Variants in BDP1 observed in about 807,000 individuals in gnomAD.
BDP1 encodes the protein BDP1 general transcription factor IIIB subunit.
Under a neutral mutation model 266.6 loss-of-function variants are expected in BDP1, and 169 were observed. The ratio of observed to expected loss-of-function variants is 0.63; its 90% CI spans 0.56 to 0.72. The LOEUF (loss-of-function observed/expected upper bound fraction) is 0.72. Ranked by LOEUF, BDP1 falls within the 30% of genes least tolerant of loss-of-function variation. BDP1 has a pLI of 0.00. For missense variants in BDP1, 3,015 were observed against 3,053.8 expected, an observed-to-expected ratio of 0.99 and a Z score of 0.30; for synonymous variants, 1,090 against 1,022.4, an observed-to-expected ratio of 1.07 and a Z score of -1.26.
intron 8 of BDP1, among the ~76,000 whole-genome samples, 189 bp downstream of exon 8, chr5:71,484,085 T>C (rs1467645152): frequency 6.6e-6 from 1 of 152,168 alleles, no homozygotes; most frequent in African/African-American, 2.4e-5. Flanking sequence ...GGCAGGAGAT[T>C]ATCCAGAACA....
In BDP1 at chr5:71,491,209, CTG is replaced by C; in HGVS notation, c.1640+81_1640+82del. ...GGAGTGTTGAAGTCTCCATCTGTAA[CTG>C]TGGATTTGCCTGTTTCTTTTTTTCA... On this transcript the variant is annotated intron_variant, in intron 11 of 38. Coordinates refer to ENST00000358731, the MANE Select transcript of BDP1 (RefSeq NM_018429.3). 5 of 1,359,714 alleles carry C rather than the reference CTG, an allele frequency of 3.7e-6. No homozygotes were observed. In the East Asian group the frequency reaches 9.5e-5, roughly 26 times the overall value. 84.2% of individuals were successfully genotyped at this position (1,359,714 alleles called of 1,614,324 possible).
chr5:71,517,296 A>T, intron 21 of BDP1, 26 bp from the exon 22 acceptor site: 1 of 1,557,176 alleles, frequency 6.4e-7, no homozygotes. Flanking sequence ...TAAAAATAAC[A>T]TACTAATATG....
At chr5:71,558,493 G>A (rs1200820073) in intron 36 of BDP1, among the ~76,000 whole-genome samples, 1 of 151,982 alleles carries the variant, frequency 6.6e-6, no homozygotes, top group Non-Finnish European at 1.5e-5. Context: ...TTGCACGCCA[G>A]CCTGGGTGAC....
At chr5:71,523,911 C>A (rs777367663) in intron 24 of BDP1, 28 bp from the exon 25 acceptor site, 2 of 1,580,382 alleles carry the variant, frequency 1.3e-6, no homozygotes, top group Non-Finnish European at 1.7e-6. Context: ...TGCATATGAC[C>A]TTATTGTTGT....
rs537851168 is a variant in BDP1, at chr5:71,521,083, G to A, written c.4992-1206G>A. On this transcript the variant is annotated intron_variant, in intron 22 of 38. Coordinates refer to ENST00000358731, the MANE Select transcript of BDP1 (RefSeq NM_018429.3). Reference sequence around the variant, plus strand: ...CATGCCTGTAATCCCAGCTACTTGAGAGACTGAGGCAGGAGAATCGCTTGA... The same window carrying A: ...CATGCCTGTAATCCCAGCTACTTGAAAGACTGAGGCAGGAGAATCGCTTGA... Among the ~76,000 whole-genome samples the A allele has an allele frequency of 4.6e-4, 70 of 151,308 alleles. 1 individual carries two copies. In the East Asian group the frequency reaches 0.014, roughly 30 times the overall value.
chr5:71,578,125 C>T, the BDP1 span, among the ~76,000 whole-genome samples: 67,464 of 151,918 alleles, frequency 0.44, 15,387 homozygotes, highest in South Asian at 0.55. Context: ...GCCTATTGTT[C>T]GAGGAATGCA....
Position 71,515,102 on chromosome 5 carries a change from T to C in BDP1, c.4629T>C (p.Asn1543=). The C allele has an allele frequency of 6.3e-7, 1 of 1,597,818 alleles. No homozygotes were observed. Among genetic ancestry groups the C allele is most frequent in the Non-Finnish European group, 8.5e-7 (1 of 1,175,256 alleles). The change falls in exon 20 of 39, where the codon AAT becomes AAC. Residue 1543 remains asparagine (N), a synonymous_variant. Transcript: ENST00000358731. ...CTCAGTCAGCACCAGTCCAGAAAAA[T>C]GACTCAGTTGTTTCTGTGGGGTAAA... is the stretch of plus-strand genomic sequence containing the variant. The part of the protein sequence containing the change: ...EESQSAPVQK[N]DSVVSVGTNN...
At chr5:71,479,502 T>G (rs1401115873) in intron 7 of BDP1, among the ~76,000 whole-genome samples, 1 of 152,150 alleles carries the variant, frequency 6.6e-6, no homozygotes, top group African/African-American at 2.4e-5. Context: ...TCTGTTTCTT[T>G]TTTTCTTTTT....
intron 27 of BDP1, 98 bp from the exon 28 acceptor site, chr5:71,539,459 T>C (rs1440120075): frequency 1.2e-5 from 10 of 852,666 alleles, no homozygotes; most frequent in African/African-American, 1.7e-5. Context: ...TATTGGAATC[T>C]GCTCCTAGGA....
At position 71,461,421 on chromosome 5, in the gene BDP1, G is replaced by A. The variant is rs796523635; in HGVS notation, c.490-396G>A. Among the ~76,000 whole-genome samples, 70 of 151,362 alleles carry A rather than the reference G, an allele frequency of 4.6e-4. 1 individual carries two copies. The highest frequency in any genetic ancestry group is 1.7e-3 in the African/African-American group (69 of 41,292). On this transcript the variant is annotated intron_variant, in intron 2 of 38. Transcript: ENST00000358731. Reference sequence around the variant, plus strand: ...GGAATTTGAGAGCAGCCTTGGCAACGTAGGGAGACTCCATCTCTACCAAAA... The same window carrying A: ...GGAATTTGAGAGCAGCCTTGGCAACATAGGGAGACTCCATCTCTACCAAAA...
chr5:71,545,286 T>A, intron 32 of BDP1, 67 bp downstream of exon 32: 7 of 1,330,380 alleles, frequency 5.3e-6, no homozygotes, highest in Non-Finnish European at 6.3e-6. Context: ...AAAAAAGGTA[T>A]AATTTACATA....
chr5:71,542,149 G>A lies in BDP1; in HGVS notation c.6296G>A (p.Arg2099Lys). The A allele has an allele frequency of 6.2e-7, 1 of 1,611,230 alleles. No individual in the cohort carries two copies. The highest frequency in any genetic ancestry group is 8.5e-7 in the Non-Finnish European group (1 of 1,179,250). Residue 2099 changes from arginine (R) to lysine (K), a missense_variant, in exon 30 of 39, where the codon AGG becomes AAG. Arg to Lys is a conservative substitution (Grantham distance 26). Transcript: ENST00000358731. Reference sequence around the variant, plus strand: ...ACCAGTAATTTGAGAATAAGAAGTAGGCTTGCTAAGCCTAAACCAAATCTT... The same window carrying A: ...ACCAGTAATTTGAGAATAAGAAGTAAGCTTGCTAAGCCTAAACCAAATCTT... ...KVTSNLRIRSRLAKPKPNLEK... is the reference protein window; with the variant it reads ...KVTSNLRIRSKLAKPKPNLEK...
At chr5:71,483,999 G>C in intron 8 of BDP1, 103 bp downstream of exon 8, 1 of 948,600 alleles carries the variant, frequency 1.1e-6, no homozygotes, top group Non-Finnish European at 1.6e-6. Flanking sequence ...TTTTGTTCCT[G>C]TATTGGCATT....
At chr5:71,560,400 G>T (rs1743555507) in intron 37 of BDP1, among the ~76,000 whole-genome samples, 163 bp downstream of exon 37, 1 of 152,190 alleles carries the variant, frequency 6.6e-6, no homozygotes, top group African/African-American at 2.4e-5. Context: ...CAGTAATATT[G>T]CAGATACACA....
chr5:71,470,837 C>G (rs554058433), intron 7 of BDP1, among the ~76,000 whole-genome samples: 1 of 151,728 alleles, frequency 6.6e-6, no homozygotes, highest in African/African-American at 2.4e-5. Flanking sequence ...TTAATCCCCC[C>G]ATCTTGGCCT....
intron 1 of BDP1, among the ~76,000 whole-genome samples, chr5:71,456,881 G>A (rs1198968502): frequency 6.6e-6 from 1 of 152,182 alleles, no homozygotes. Context: ...TCAGTAAACA[G>A]CCTTGTTAAG....
chr5:71,543,406 G>A (rs1323378029), intron 30 of BDP1, among the ~76,000 whole-genome samples: 1 of 152,180 alleles, frequency 6.6e-6, no homozygotes, highest in East Asian at 1.9e-4. Context: ...AGACCAGCTT[G>A]GGCAATATAG....
chr5:71,571,257 G>A (rs568133096), downstream of BDP1, among the ~76,000 whole-genome samples: 13 of 152,284 alleles, frequency 8.5e-5, no homozygotes, highest in East Asian at 9.6e-4. Context: ...GGATCCTCCC[G>A]CCTTTGCCTC....
rs1374113211 is a variant in BDP1 at position 71,510,167 on chromosome 5, A to G, written c.3075A>G (p.Thr1025=). ...TGRESSPREK[T]PEVIDATEEI... Reference sequence around the variant, plus strand: ...GAGAGAGTTCTCCAAGGGAGAAGACACCAGAGGTGATTGATGCTACTGAGG... The same window carrying G: ...GAGAGAGTTCTCCAAGGGAGAAGACGCCAGAGGTGATTGATGCTACTGAGG... Residue 1025 remains threonine (T), a synonymous_variant, in exon 17 of 39, where the codon ACA becomes ACG. Transcript: ENST00000358731. The G allele has an allele frequency of 4.3e-6, 7 of 1,613,940 alleles. No individual in the cohort carries two copies. The highest frequency in any genetic ancestry group is 5.9e-6 in the Non-Finnish European group (7 of 1,179,972).
Sources: gnomAD v4.1 joint callset for allele counts (sites outside exome capture counted in the v4.1 genomes callset) on GRCh38, gnomAD v4.1.1 for gene constraint, MANE v1.5 for transcripts, NCBI Gene and HGNC (gene_info 2026-07-23, HGNC 2026-07-21) for gene names.